MRPS9: variants seen among roughly 807,000 people sequenced by gnomAD.
The protein encoded by MRPS9 is mitochondrial ribosomal protein S9.
MRPS9 carries 45 observed loss-of-function variants against 59.9 expected under a neutral mutation model. The observed-to-expected ratio is 0.75, with a 90% CI of 0.59 to 0.96. MRPS9 has a LOEUF of 0.96. Ranked by LOEUF, MRPS9 falls within the 40% of genes least tolerant of loss-of-function variation. MRPS9 has a pLI of 0.00. For missense variants in MRPS9, 473 were observed against 481.1 expected (o/e 0.98, Z 0.16); for synonymous variants, 171 against 166.8 (o/e 1.03, Z -0.19).
At chr2:105,065,552 C>T (rs546948026) in intron 2 of MRPS9, among the ~76,000 whole-genome samples, 26 of 152,162 alleles carry the variant, frequency 1.7e-4, no homozygotes, top group Middle Eastern at 3.4e-3. Context: ...AATTGATATC[C>T]TTGCACATCA....
At chr2:105,077,447 G>T (rs1680235541) in intron 4 of MRPS9, among the ~76,000 whole-genome samples, 1 of 152,102 alleles carries the variant, frequency 6.6e-6, no homozygotes, top group South Asian at 2.1e-4. Context: ...AGAGCTAGTT[G>T]TGCTAGTAGA....
chr2:105,038,559 T>G, intron 1 of MRPS9: 1 of 233,490 alleles, frequency 4.3e-6, no homozygotes, highest in Non-Finnish European at 8.4e-6. Flanking sequence ...CCCTGCTGTC[T>G]AGGGAGGAGG....
intron 1 of MRPS9, among the ~76,000 whole-genome samples, chr2:105,047,984 A>C (rs1679623870): frequency 1.3e-5 from 2 of 152,034 alleles, no homozygotes; most frequent in Admixed American, 1.3e-4. Context: ...GAACTAGTTT[A>C]CGGTCCCACC....
intron 2 of MRPS9, among the ~76,000 whole-genome samples, chr2:105,070,056 G>A (rs1680086273): frequency 6.6e-6 from 1 of 152,084 alleles, no homozygotes; most frequent in Non-Finnish European, 1.5e-5. Context: ...CAAAGGAAGG[G>A]GGTAGGTGGG....
intron 1 of MRPS9, among the ~76,000 whole-genome samples, chr2:105,041,994 A>G (rs1031777414): frequency 2.6e-5 from 4 of 152,260 alleles, no homozygotes; most frequent in African/African-American, 9.6e-5. Flanking sequence ...TTGTAAAACA[A>G]GATAACTAAA....
intron 5 of MRPS9, among the ~76,000 whole-genome samples, chr2:105,081,260 C>T (rs938838729): frequency 4.6e-5 from 7 of 152,202 alleles, no homozygotes; most frequent in Non-Finnish European, 5.9e-5. Flanking sequence ...TGCAATGCTG[C>T]GTTTTAGCTG....
intron 5 of MRPS9, among the ~76,000 whole-genome samples, chr2:105,085,048 TG>T (rs1319740373): frequency 1.3e-5 from 2 of 152,180 alleles, no homozygotes; most frequent in African/African-American, 4.8e-5. Flanking sequence ...TCATCACTCC[TG>T]GGTGTGGACT....
Position 105,080,062 on chromosome 2 carries a change from T to G in MRPS9, c.489T>G (p.His163Gln). Residue 163 changes from histidine (H) to glutamine (Q), a missense_variant and splice_region_variant, in exon 5 of 11, where the codon CAT (histidine) becomes CAG (glutamine). Physicochemically the swap from His to Gln is conservative, Grantham distance 24 (BLOSUM62 0). Transcript: ENST00000258455. ...AACAGTCATACTATTCATTAATGCA[T>G]GTAAGTATATTGCATTTATGATAAA... ...TGKQSYYSLMHDVYGMLLNLE... is the reference protein window; with the variant it reads ...TGKQSYYSLMQDVYGMLLNLE... 2 of 1,579,464 alleles carry G rather than the reference T, an allele frequency of 1.3e-6. No individual in the cohort carries two copies. Among genetic ancestry groups the G allele is most frequent in the Admixed American group, 3.4e-5 (2 of 59,088 alleles).
chr2:105,060,096 A>G (rs916237732), intron 2 of MRPS9, among the ~76,000 whole-genome samples: 2 of 143,528 alleles, frequency 1.4e-5, no homozygotes, highest in Admixed American at 1.4e-4. Flanking sequence ...TTCTTTTCTT[A>G]TATTTCTGAG....
chr2:105,091,096 G>A (rs1305942622), intron 7 of MRPS9, among the ~76,000 whole-genome samples: 1 of 151,780 alleles, frequency 6.6e-6, no homozygotes, highest in Non-Finnish European at 1.5e-5. Context: ...AATAATTCAG[G>A]TATTTTTTCT....
intron 2 of MRPS9, among the ~76,000 whole-genome samples, chr2:105,070,485 A>G (rs375267867): frequency 6.6e-6 from 1 of 152,202 alleles, no homozygotes; most frequent in African/African-American, 2.4e-5. Context: ...CTAAATGAGC[A>G]GAAGTGTATT....
chr2:105,065,951 GA>G (rs1312312342), intron 2 of MRPS9, among the ~76,000 whole-genome samples: 1 of 98,598 alleles, frequency 1.0e-5, no homozygotes, highest in Admixed American at 1.1e-4. Flanking sequence ...TAAAAGAAAA[GA>G]AAAAGAAAGA....
At chr2:105,095,137 C>T (rs1167550459) in intron 9 of MRPS9, among the ~76,000 whole-genome samples, 1 of 152,134 alleles carries the variant, frequency 6.6e-6, no homozygotes, top group Non-Finnish European at 1.5e-5. Context: ...CAGGAACTTA[C>T]AAATCAGCAG....
At chr2:105,057,553 C>T (rs1265867640) in intron 2 of MRPS9, among the ~76,000 whole-genome samples, 1 of 152,142 alleles carries the variant, frequency 6.6e-6, no homozygotes, top group African/African-American at 2.4e-5. Context: ...AACAGTTTTC[C>T]TTATTGACCC....
chr2:105,064,992 G>A (rs1024958393), intron 2 of MRPS9, among the ~76,000 whole-genome samples: 5 of 152,062 alleles, frequency 3.3e-5, no homozygotes, highest in Non-Finnish European at 5.9e-5. Flanking sequence ...TTTTCATGCC[G>A]TTTTATGTGT....
intron 2 of MRPS9, among the ~76,000 whole-genome samples, chr2:105,054,492 C>T (rs1222765992): frequency 1.3e-5 from 2 of 152,224 alleles, no homozygotes; most frequent in African/African-American, 2.4e-5. Flanking sequence ...TCCTTGACAC[C>T]AGTGACATAA....
chr2:105,094,343 A>G (rs1558764180), intron 9 of MRPS9, among the ~76,000 whole-genome samples: 1 of 152,182 alleles, frequency 6.6e-6, no homozygotes, highest in Non-Finnish European at 1.5e-5. Flanking sequence ...AAATATACTC[A>G]TCTCAGAACT....
intron 9 of MRPS9, chr2:105,096,931 A>G (rs1680673204): frequency 1.1e-5 from 4 of 359,234 alleles, no homozygotes; most frequent in Non-Finnish European, 1.4e-5. Flanking sequence ...GTGTGTTGCT[A>G]TACCCAAGCA....
chr2:105,051,051 A>G (rs1033266629), intron 2 of MRPS9, among the ~76,000 whole-genome samples: 7 of 152,346 alleles, frequency 4.6e-5, no homozygotes, highest in Non-Finnish European at 1.0e-4. Flanking sequence ...AAGAATGTGC[A>G]TGCTATAAAG....
Sources: allele counts gnomAD v4.1 joint callset (sites outside exome capture counted in the v4.1 genomes callset), GRCh38; gene constraint gnomAD v4.1.1; transcripts MANE v1.5; gene names NCBI Gene and HGNC (gene_info 2026-07-23, HGNC 2026-07-21).